CYB5RL: variants seen among roughly 807,000 people sequenced by gnomAD.
The protein encoded by CYB5RL is cytochrome b5 reductase like.
A neutral mutation model predicts 37.5 loss-of-function variants in CYB5RL; 38 were observed. The observed-to-expected ratio is 1.01, with a 90% CI of 0.78 to 1.33. The LOEUF (loss-of-function observed/expected upper bound fraction) is 1.33, where lower values mean the gene tolerates loss of function less well. Among genes scored for constraint, CYB5RL ranks in the 40% most tolerant of loss-of-function variants. The pLI, the probability that CYB5RL is intolerant of heterozygous loss-of-function variation, is 0.00. For missense variants in CYB5RL, 388 were observed against 394.4 expected, an observed-to-expected ratio of 0.98 and a Z score of 0.14; for synonymous variants, 141 against 151.9, an observed-to-expected ratio of 0.93 and a Z score of 0.53.
At chr1:54,179,012 C>A in intron 7 of CYB5RL, 137 bp downstream of exon 7, 1 of 976,546 alleles carries the variant, frequency 1.0e-6, no homozygotes, top group Non-Finnish European at 1.5e-6. Flanking sequence ...GCCTTCCATA[C>A]AGGTGGGTGC....
At position 54,190,859 on chromosome 1, in the gene CYB5RL, G is replaced by T. The variant is rs769502665; in HGVS notation, c.236C>A (p.Ala79Asp). The change falls in exon 4 of 8, where the codon GCC (alanine) becomes GAC (aspartate). Residue 79 changes from alanine to aspartate, a missense_variant. Coordinates refer to ENST00000534324, the MANE Select transcript of CYB5RL (RefSeq NM_001031672.4). ...PSKLNPETFV[A>D]FCIIAMDRLT... The stretch of plus-strand genomic sequence containing the variant: ...CCTGTCCATGGCAATGATGCAGAAG[G>T]CCACGAAGGTCTCTGGGTTCAGCTT... 25 of 1,610,970 alleles carry T rather than the reference G, an allele frequency of 1.6e-5. No homozygotes were observed. Among genetic ancestry groups the T allele is most frequent in the Middle Eastern group, 1.7e-4 (1 of 6,022 alleles).
intron 2 of CYB5RL, among the ~76,000 whole-genome samples, chr1:54,196,064 A>G (rs61775227): frequency 0.076 from 11,629 of 152,326 alleles, 622 homozygotes; most frequent in South Asian, 0.11. Flanking sequence ...ATAGCTTGGC[A>G]TATGGAAGAA....
intron 1 of CYB5RL, among the ~76,000 whole-genome samples, chr1:54,198,754 C>T (rs919463457): frequency 2.0e-5 from 3 of 151,422 alleles, no homozygotes; most frequent in African/African-American, 7.3e-5. Flanking sequence ...ATCTCAGCCT[C>T]CTGAGTACCT....
Position 54,174,838 on chromosome 1 carries a change from A to C in CYB5RL, c.745-16T>G. ...AGGAGCTCTCCTGGGAAGACAAGAA[A>C]GGCATGGGTGACTACAAGGGAGCGG... On this transcript the variant is annotated splice_polypyrimidine_tract_variant and intron_variant, in intron 7 of 7. Coordinates refer to ENST00000534324, the MANE Select transcript of CYB5RL (RefSeq NM_001031672.4). The C allele has an allele frequency of 2.5e-6, 4 of 1,609,818 alleles. No individual in the cohort carries two copies. The highest frequency in any genetic ancestry group is 3.4e-6 in the Non-Finnish European group (4 of 1,179,634).
At chr1:54,174,959 G>A (rs1233732610) in intron 7 of CYB5RL, 137 bp from the exon 8 acceptor site, 5 of 800,790 alleles carry the variant, frequency 6.2e-6, no homozygotes, top group East Asian at 5.4e-5. Flanking sequence ...GGCCCACCAT[G>A]GGCCAGGCAT....
rs1659913173 is a variant in CYB5RL, at chr1:54,172,338, T to TC, written c.*2280_*2281insG. On this transcript the variant is annotated 3_prime_UTR_variant, in exon 8 of 8. Transcript: ENST00000534324. The stretch of plus-strand genomic sequence containing the variant: ...CATACCACCACATAAGGTTAATCTT[T>TC]TTTTTTTTTTTTTTTTTGTAGAGAC... The TC allele has an allele frequency of 1.4e-5, 2 of 144,974 alleles. No individual in the cohort carries two copies. The highest frequency in any genetic ancestry group is 2.6e-5 in the African/African-American group (1 of 39,120). The allele number at this position is 144,974 out of a possible 1,614,324, so 9.0% of individuals were successfully genotyped here. A position where few individuals can be genotyped will look rare whatever the true frequency, so the allele number is the denominator to read the frequency against.
chr1:54,184,900 C>T (rs1660251357), intron 5 of CYB5RL: 2 of 152,272 alleles, frequency 1.3e-5, no homozygotes, highest in Non-Finnish European at 2.9e-5. Flanking sequence ...TATCCTACAC[C>T]ATCTCCTGGC....
chr1:54,191,782 AC>A (rs1377598387), intron 3 of CYB5RL, among the ~76,000 whole-genome samples: 2 of 152,040 alleles, frequency 1.3e-5, no homozygotes, highest in Non-Finnish European at 2.9e-5. Context: ...TCCCACACCC[AC>A]CATCCAGGAT....
chr1:54,170,953 T>G lies in CYB5RL; in HGVS notation c.*3666A>C. 2.8e-6 allele frequency: 1 copy of G among 350,896 alleles called. No individual in the cohort carries two copies. The highest frequency in any genetic ancestry group is 5.7e-6 in the Non-Finnish European group (1 of 176,544). 21.7% of individuals were successfully genotyped at this position (350,896 alleles called of 1,614,324 possible). On this transcript the variant is annotated 3_prime_UTR_variant, in exon 8 of 8. Transcript: ENST00000534324. The stretch of plus-strand genomic sequence containing the variant: ...TGGAAAGCACTTCCTGAACATTAGT[T>G]GTTTATCGCTCAGGTATTCGACATC...
At chr1:54,183,487 G>A (rs1201743152) in intron 6 of CYB5RL, among the ~76,000 whole-genome samples, 1 of 152,172 alleles carries the variant, frequency 6.6e-6, no homozygotes, top group African/African-American at 2.4e-5. Flanking sequence ...CCAGGATGAT[G>A]AGGAGAAGAG....
At chr1:54,175,510 C>CT in intron 7 of CYB5RL, 1 of 304,312 alleles carries the variant, frequency 3.3e-6, no homozygotes. Flanking sequence ...AAAATGAAGG[C>CT]TCCACTCCCA....
At position 54,198,292 on chromosome 1, in the gene CYB5RL, T is replaced by G. The variant is rs181950497; in HGVS notation, c.-223+1684A>C. On this transcript the variant is annotated intron_variant, in intron 1 of 7. Transcript: ENST00000534324. The stretch of plus-strand genomic sequence containing the variant: ...GGACCAGGTATGCATTATGAGTGAA[T>G]GAGGTCTGGTTCCCTCTTTATGCTG... Among the ~76,000 whole-genome samples, 6 of 152,018 alleles carry G rather than the reference T, an allele frequency of 3.9e-5. No individual in the cohort carries two copies. In the East Asian group the frequency reaches 1.2e-3, roughly 29 times the overall value.
rs192653757 is a variant in CYB5RL, at chr1:54,195,653, T to C, written c.-37A>G. ...GGGCAGCCTAGAAGGAACAACTGGG[T>C]GCTCTTCCAGAACAGGCCAGGCTCT... On this transcript the variant is annotated 5_prime_UTR_variant, in exon 3 of 8. Coordinates refer to ENST00000534324, the MANE Select transcript of CYB5RL (RefSeq NM_001031672.4). 6.4e-7 allele frequency: 1 copy of C among 1,569,506 alleles called. No individual in the cohort carries two copies. Among genetic ancestry groups the C allele is most frequent in the Non-Finnish European group, 8.7e-7 (1 of 1,153,414 alleles).
intron 3 of CYB5RL, among the ~76,000 whole-genome samples, chr1:54,193,826 C>T (rs953640170): frequency 2.0e-5 from 3 of 151,202 alleles, no homozygotes; most frequent in East Asian, 2.0e-4. Context: ...AAAAATTAGC[C>T]GGGCGTGGTG....
At chr1:54,195,155 T>G (rs914431438) in intron 3 of CYB5RL, among the ~76,000 whole-genome samples, 4 of 152,222 alleles carry the variant, frequency 2.6e-5, no homozygotes, top group Non-Finnish European at 5.9e-5. Flanking sequence ...GTGAAATGGA[T>G]GTCAAGCTCT....
At position 54,173,990 on chromosome 1, in the gene CYB5RL, C is replaced by A. The variant is rs1053846651; in HGVS notation, c.*629G>T. On this transcript the variant is annotated 3_prime_UTR_variant, in exon 8 of 8. Transcript: ENST00000534324. ...TCTTTTGCTAGGCTCGATTTTTGAG[C>A]CAGGAAAGGGGACTGAGAATGAAGC... The A allele has an allele frequency of 6.5e-6, 1 of 152,866 alleles. No individual in the cohort carries two copies. Among genetic ancestry groups the A allele is most frequent in the Non-Finnish European group, 1.5e-5 (1 of 68,392 alleles). 9.5% of individuals were successfully genotyped at this position (152,866 alleles called of 1,614,324 possible).
intron 2 of CYB5RL, 72 bp from the exon 3 acceptor site, chr1:54,195,787 GC>G: frequency 1.5e-6 from 1 of 666,934 alleles, no homozygotes; most frequent in Non-Finnish European, 2.3e-6. Context: ...GCCTGCAGGT[GC>G]CAGGCTCTGT....
In CYB5RL at chr1:54,169,790, G is replaced by C. The variant is rs1438176700; in HGVS notation, c.*4829C>G. 1 of 152,074 alleles carries C rather than the reference G, an allele frequency of 6.6e-6. No homozygotes were observed. The highest frequency in any genetic ancestry group is 1.5e-5 in the Non-Finnish European group (1 of 67,964). 9.4% of individuals were successfully genotyped at this position (152,074 alleles called of 1,614,324 possible). On this transcript the variant is annotated 3_prime_UTR_variant, in exon 8 of 8. Coordinates refer to ENST00000534324, the MANE Select transcript of CYB5RL (RefSeq NM_001031672.4). ...CATGTTTATGTCAAGTATTTTTATA[G>C]TAAAATACAAATACAGATATGGCTA...
intron 7 of CYB5RL, among the ~76,000 whole-genome samples, chr1:54,178,023 C>T (rs900470408): frequency 2.0e-5 from 3 of 152,208 alleles, no homozygotes; most frequent in Non-Finnish European, 4.4e-5. Context: ...CCATCCCTCG[C>T]GCCCACCCCT....
Sources: allele counts gnomAD v4.1 joint callset (sites outside exome capture counted in the v4.1 genomes callset), GRCh38; gene constraint gnomAD v4.1.1; transcripts MANE v1.5; gene names NCBI Gene and HGNC (gene_info 2026-07-23, HGNC 2026-07-21).